The following UBR3 variants were observed in gnomAD, a reference collection of about 807,000 sequenced individuals.
UBR3 encodes the protein E3 ubiquitin-protein ligase UBR3.
In UBR3, 85 loss-of-function variants were observed where a neutral mutation model predicts 243.2. That is an observed-to-expected ratio of 0.35 (90% CI 0.29 to 0.42). The LOEUF (loss-of-function observed/expected upper bound fraction) is 0.42. Ranked by LOEUF, UBR3 falls within the 10% of genes least tolerant of loss-of-function variation. The pLI is 1.00. For missense variants in UBR3, 1,686 were observed against 2,300.8 expected (o/e 0.73, Z 5.47); for synonymous variants, 748 against 799.8 (o/e 0.94, Z 1.09).
chr2:170,061,083 C>T lies in UBR3; in HGVS notation c.4790C>T (p.Thr1597Ile), dbSNP rs774864685. The T allele has an allele frequency of 1.9e-6, 3 of 1,561,750 alleles. No individual in the cohort carries two copies. In the South Asian group the frequency reaches 3.7e-5, roughly 19 times the overall value. The change falls in exon 34 of 39, where the codon ACA becomes ATA. Residue 1597 changes from threonine (T) to isoleucine (I), a missense_variant. By Grantham distance (89) the Thr-to-Ile change is moderately conservative (BLOSUM62 -1). This residue lies in a region of UBR3 where 371 missense variants were observed against 422.5 expected (regional missense o/e 0.88). Transcript: ENST00000272793. Reference sequence around the variant, plus strand: ...CCAATATTTTAATTTTTTCAGAGTACATGTGATGCAGAAAAGTCTTACGAA... The same window carrying T: ...CCAATATTTTAATTTTTTCAGAGTATATGTGATGCAGAAAAGTCTTACGAA... ...WKHAGALKKSTCDAEKSYEVL... is the reference protein window; with the variant it reads ...WKHAGALKKSICDAEKSYEVL...
At chr2:169,845,801 C>T (rs905498179) in intron 1 of UBR3, among the ~76,000 whole-genome samples, 3 of 152,032 alleles carry the variant, frequency 2.0e-5, no homozygotes, top group Non-Finnish European at 4.4e-5. Context: ...CCAGGCTAGT[C>T]TTGAACTGCT....
chr2:169,935,681 A>G (rs1279475181), intron 19 of UBR3, among the ~76,000 whole-genome samples: 1 of 152,228 alleles, frequency 6.6e-6, no homozygotes, highest in Non-Finnish European at 1.5e-5. Flanking sequence ...GAGTTTATAT[A>G]TATCATTTTT....
intron 35 of UBR3, among the ~76,000 whole-genome samples, chr2:170,072,360 G>A (rs1032131612): frequency 6.6e-6 from 1 of 151,214 alleles, no homozygotes; most frequent in African/African-American, 2.4e-5. Context: ...CTCATAGGTG[G>A]GAATTGAACA....
intron 11 of UBR3, among the ~76,000 whole-genome samples, chr2:169,921,915 C>T (rs796583165): frequency 4.1e-4 from 63 of 152,082 alleles, no homozygotes; most frequent in African/African-American, 1.2e-3. Flanking sequence ...TGCTTGAACC[C>T]GGGAGGCAGA....
At chr2:170,066,434 TGTAAA>T (rs1375240377) in intron 35 of UBR3, among the ~76,000 whole-genome samples, 1 of 152,224 alleles carries the variant, frequency 6.6e-6, no homozygotes, top group Non-Finnish European at 1.5e-5. Context: ...TAGCATTGTT[TGTAAA>T]GTAGTTTGTG....
intron 10 of UBR3, among the ~76,000 whole-genome samples, chr2:169,912,815 G>T (rs549391721): frequency 2.6e-5 from 4 of 151,758 alleles, no homozygotes; most frequent in Non-Finnish European, 5.9e-5. Flanking sequence ...GGGTCTCACT[G>T]TGTTGCCCAT....
intron 28 of UBR3, among the ~76,000 whole-genome samples, chr2:170,008,002 T>C (rs1195691530): frequency 1.3e-5 from 2 of 152,196 alleles, no homozygotes; most frequent in African/African-American, 2.4e-5. Context: ...ATTAAGAAGA[T>C]ATATTTACAC....
intron 22 of UBR3, among the ~76,000 whole-genome samples, chr2:169,948,573 C>A (rs73017606): frequency 0.043 from 6,603 of 152,058 alleles, 165 homozygotes; most frequent in Middle Eastern, 0.068. Context: ...GACATTTCTT[C>A]TAGTAGAGTC....
In UBR3 at chr2:169,832,683, C is replaced by T. The variant is rs571886665; in HGVS notation, c.545+4631C>T. On this transcript the variant is annotated intron_variant, in intron 1 of 38. Coordinates refer to ENST00000272793, the MANE Select transcript of UBR3 (RefSeq NM_172070.4). ...GGCGTGGTGGCTCACACCTGTAATC[C>T]CAGCACTTTGGGAGGCCGAGGCAGG... Among the ~76,000 whole-genome samples the T allele has an allele frequency of 5.3e-5, 8 of 152,182 alleles. No homozygotes were observed. The East Asian group carries it at 1.5e-3, about 29-fold the overall frequency.
intron 5 of UBR3, among the ~76,000 whole-genome samples, chr2:169,881,971 AT>A (rs1235362262): frequency 3.1e-5 from 3 of 96,350 alleles, no homozygotes; most frequent in South Asian, 2.8e-4. Context: ...TACATATGTA[AT>A]TATATTATAT....
intron 1 of UBR3, among the ~76,000 whole-genome samples, chr2:169,835,396 C>T (rs1288956469): frequency 6.6e-6 from 1 of 152,058 alleles, no homozygotes; most frequent in Non-Finnish European, 1.5e-5. Flanking sequence ...ACAAACAACT[C>T]CCCCAAAACC....
intron 11 of UBR3, among the ~76,000 whole-genome samples, chr2:169,915,013 G>A (rs139490311): frequency 6.6e-6 from 1 of 152,074 alleles, no homozygotes; most frequent in African/African-American, 2.4e-5. Flanking sequence ...ATGCATTTCA[G>A]TGTTTCCTAC....
At chr2:170,033,584 C>G (rs1410531041) in intron 31 of UBR3, among the ~76,000 whole-genome samples, 5 of 85,074 alleles carry the variant, frequency 5.9e-5, no homozygotes, top group Non-Finnish European at 1.1e-4. Context: ...CACACCCACC[C>G]CCCCCCCCCC....
chr2:170,005,833 A>G lies in UBR3; in HGVS notation c.4030-1157A>G, dbSNP rs568671944. 2.0e-5 allele frequency among the ~76,000 whole-genome samples: 3 copies of G among 152,294 alleles called. No homozygotes were observed. In the South Asian group the frequency reaches 6.2e-4, roughly 32 times the overall value. ...ATGAGGAAAACATATCGAGGTACCA[A>G]AGTCTTCAGTGGTTGCAGGCAGTAG... On this transcript the variant is annotated intron_variant, in intron 27 of 38. Coordinates refer to ENST00000272793, the MANE Select transcript of UBR3 (RefSeq NM_172070.4).
chr2:169,856,280 C>T (rs1305017779), intron 1 of UBR3, among the ~76,000 whole-genome samples: 1 of 151,270 alleles, frequency 6.6e-6, no homozygotes, highest in East Asian at 1.9e-4. Context: ...CGATGGGCAG[C>T]CGGGCAGAGA....
chr2:169,836,017 CTCTCTCTCTCTCTCTCTCTCTCTCTCTA>C (rs1396067947), intron 1 of UBR3, among the ~76,000 whole-genome samples: 1 of 26,836 alleles, frequency 3.7e-5, no homozygotes, highest in Non-Finnish European at 7.8e-5. Flanking sequence ...CTCTCTCTCT[CTCTCTCTCTCTCTCTCTCTCTCTCTCTA>C]TATATATATA....
chr2:169,928,158 A>G (rs898161140), intron 17 of UBR3, among the ~76,000 whole-genome samples: 12 of 152,188 alleles, frequency 7.9e-5, no homozygotes, highest in African/African-American at 1.7e-4. Context: ...TCCTTCAGTC[A>G]TTATGAACTA....
intron 8 of UBR3, among the ~76,000 whole-genome samples, chr2:169,897,650 ATC>A (rs1461226983): frequency 3.9e-5 from 6 of 151,976 alleles, no homozygotes; most frequent in Non-Finnish European, 8.8e-5. Flanking sequence ...ACAGGTGTAC[ATC>A]ACCATGTCTG....
chr2:170,003,776 G>A (rs1384558754), intron 27 of UBR3, among the ~76,000 whole-genome samples: 4 of 152,108 alleles, frequency 2.6e-5, no homozygotes, highest in Admixed American at 2.6e-4. Flanking sequence ...GAGTGGCTGG[G>A]ACTACAGGCG....
Sources: allele counts gnomAD v4.1 joint callset (sites outside exome capture counted in the v4.1 genomes callset), GRCh38; gene constraint gnomAD v4.1.1; regional missense constraint gnomAD v4.1.1; transcripts MANE v1.5; gene names NCBI Gene and HGNC (gene_info 2026-07-23, HGNC 2026-07-21).